Variants in CBR4 observed in about 807,000 individuals in gnomAD.
The protein encoded by CBR4 is carbonyl reductase 4, also known as 3-oxoacyl-[acyl-carrier-protein] reductase.
A neutral mutation model predicts 21.0 loss-of-function variants in CBR4; 22 were observed. That is an observed-to-expected ratio of 1.05 (90% CI 0.75 to 1.50). The LOEUF is 1.50. Ranked by LOEUF, CBR4 falls within the 40% of genes most tolerant of loss-of-function variation. The probability of loss-of-function intolerance (pLI) is 0.00; values close to 1 mark genes in which losing one functional copy is unlikely to be tolerated. For missense variants in CBR4, 302 were observed against 286.3 expected, an observed-to-expected ratio of 1.05 and a Z score of -0.40; for synonymous variants, 100 against 104.4, an observed-to-expected ratio of 0.96 and a Z score of 0.26.
chr4:168,934,653 A>G (rs1387505988), intron 2 of CBR4, among the ~76,000 whole-genome samples: 2 of 152,162 alleles, frequency 1.3e-5, no homozygotes, highest in African/African-American at 4.8e-5. Context: ...TGAACAGATC[A>G]ATAAAAAGTA....
intron 2 of CBR4, among the ~76,000 whole-genome samples, chr4:168,907,840 GA>G (rs140317565): frequency 8.1e-5 from 12 of 147,564 alleles, no homozygotes; most frequent in Non-Finnish European, 1.4e-4. Context: ...ATCAAAAGGA[GA>G]AAAAAAAAAG....
chr4:168,934,087 C>G (rs1244622884), intron 2 of CBR4, among the ~76,000 whole-genome samples: 2 of 151,656 alleles, frequency 1.3e-5, no homozygotes, highest in South Asian at 4.2e-4. Context: ...CCGAATGATT[C>G]ATCTTAAGAA....
chr4:168,908,222 T>C (rs1043931066), intron 2 of CBR4, among the ~76,000 whole-genome samples: 1 of 152,224 alleles, frequency 6.6e-6, no homozygotes, highest in Non-Finnish European at 1.5e-5. Flanking sequence ...ATATGGCAGA[T>C]ATAAGTTCTG....
intron 2 of CBR4, among the ~76,000 whole-genome samples, chr4:168,949,579 G>A (rs959670434): frequency 5.3e-5 from 8 of 152,118 alleles, no homozygotes; most frequent in Non-Finnish European, 8.8e-5. Flanking sequence ...ATCATAAAGG[G>A]ATGCTGGATT....
chr4:168,895,826 C>A (rs915567088), intron 2 of CBR4, among the ~76,000 whole-genome samples: 3 of 152,214 alleles, frequency 2.0e-5, no homozygotes, highest in African/African-American at 7.2e-5. Context: ...ATCTCTTTAT[C>A]TTCTTTCACA....
intron 2 of CBR4, among the ~76,000 whole-genome samples, chr4:168,931,986 G>A (rs534558467): frequency 6.6e-6 from 1 of 151,812 alleles, no homozygotes; most frequent in African/African-American, 2.4e-5. Context: ...AGAGGTGACT[G>A]TTCTACCAGA....
intron 2 of CBR4, among the ~76,000 whole-genome samples, chr4:168,930,963 G>T (rs1762956009): frequency 6.6e-6 from 1 of 152,134 alleles, no homozygotes; most frequent in Admixed American, 6.5e-5. Context: ...GCCTGCTGTG[G>T]GGCCCAGTAG....
rs60552620 is a variant in CBR4 at position 169,002,212 on chromosome 4, CAAAAAAAAA to C, written c.401-16_401-8del. The C allele has an allele frequency of 5.1e-3, 5,108 of 1,006,884 alleles. No individual in the cohort carries two copies. Among genetic ancestry groups the C allele is most frequent in the East Asian group, 0.014 (356 of 26,266 alleles). 62.4% of individuals were successfully genotyped at this position (1,006,884 alleles called of 1,614,324 possible). A position where few individuals can be genotyped will look rare whatever the true frequency, so the allele number is the denominator to read the frequency against. ...TTTAAGCCAACAATGCTTCCTAGGA[CAAAAAAAAA>C]AAAAAAAAAAAAAAAAGCGTATTAA... On this transcript the variant is annotated splice_region_variant and splice_polypyrimidine_tract_variant and intron_variant, in intron 3 of 4. Transcript: ENST00000306193.
downstream of CBR4, among the ~76,000 whole-genome samples, chr4:168,986,312 A>G (rs750467365): frequency 5.3e-5 from 8 of 152,178 alleles, no homozygotes; most frequent in Non-Finnish European, 1.0e-4. Flanking sequence ...ACCAATCCCC[A>G]AAGATACTGA....
chr4:168,918,522 G>A (rs187906718), intron 2 of CBR4, among the ~76,000 whole-genome samples: 2 of 152,200 alleles, frequency 1.3e-5, no homozygotes, highest in South Asian at 2.1e-4. Flanking sequence ...TGATTACCAC[G>A]GGCTAGACGG....
chr4:168,941,126 T>A (rs111932953), intron 2 of CBR4, among the ~76,000 whole-genome samples: 1 of 151,162 alleles, frequency 6.6e-6, no homozygotes, highest in Non-Finnish European at 1.5e-5. Flanking sequence ...TAAGTGGGAG[T>A]TGAAAACACA....
chr4:168,978,936 G>A (rs184141353), intron 2 of CBR4, among the ~76,000 whole-genome samples: 7 of 151,868 alleles, frequency 4.6e-5, no homozygotes, highest in Middle Eastern at 3.4e-3. Context: ...CTGGAACAGA[G>A]CTCCCAGGAG....
chr4:168,942,940 T>C (rs1389916055), intron 2 of CBR4, among the ~76,000 whole-genome samples: 4 of 152,114 alleles, frequency 2.6e-5, no homozygotes, highest in African/African-American at 9.7e-5. Flanking sequence ...CTAGTTAGAA[T>C]GGCTATTAAC....
At chr4:169,008,168 G>T (rs1321463310) in intron 1 of CBR4, among the ~76,000 whole-genome samples, 1 of 151,992 alleles carries the variant, frequency 6.6e-6, no homozygotes, top group Non-Finnish European at 1.5e-5. Flanking sequence ...AGTTTCTTTG[G>T]CCCTGAACGG....
intron 2 of CBR4, among the ~76,000 whole-genome samples, chr4:168,975,320 A>C (rs925916910): frequency 6.6e-6 from 1 of 152,222 alleles, no homozygotes; most frequent in African/African-American, 2.4e-5. Flanking sequence ...AGGGGAGTAA[A>C]GTGGACTCTG....
downstream of CBR4, among the ~76,000 whole-genome samples, chr4:168,986,985 T>C (rs1578984964): frequency 6.6e-6 from 1 of 152,140 alleles, no homozygotes; most frequent in Non-Finnish European, 1.5e-5. Context: ...GTGTCTTAAA[T>C]GTATCTCCAC....
intron 2 of CBR4, among the ~76,000 whole-genome samples, chr4:168,980,426 AAC>A (rs1346272563): frequency 6.6e-6 from 1 of 152,196 alleles, no homozygotes; most frequent in Non-Finnish European, 1.5e-5. Flanking sequence ...CGCCTATGAA[AAC>A]ACAGACAAGA....
At chr4:168,927,687 C>A (rs1382259267) in intron 2 of CBR4, 1 of 225,542 alleles carries the variant, frequency 4.4e-6, no homozygotes, top group Non-Finnish European at 8.8e-6. Context: ...TGCTGGATTC[C>A]AAGGTTTGTA....
chr4:168,933,368 T>A (rs1282842901), intron 2 of CBR4, among the ~76,000 whole-genome samples: 3 of 152,186 alleles, frequency 2.0e-5, no homozygotes, highest in African/African-American at 7.2e-5. Flanking sequence ...GTAGCTATTC[T>A]TATGTCAGAT....
Sources: allele counts gnomAD v4.1 joint callset (sites outside exome capture counted in the v4.1 genomes callset), GRCh38; gene constraint gnomAD v4.1.1; transcripts MANE v1.5; gene names NCBI Gene and HGNC (gene_info 2026-07-23, HGNC 2026-07-21).